VSNL1: variants seen among roughly 807,000 people sequenced by gnomAD.
VSNL1 encodes visinin like 1.
In VSNL1, 6 loss-of-function variants were observed where a neutral mutation model predicts 20.4. That is an observed-to-expected ratio of 0.29 (90% CI 0.16 to 0.58). The LOEUF is 0.58. Ranked by LOEUF, VSNL1 falls within the 20% of genes least tolerant of loss-of-function variation. The pLI, the probability that VSNL1 is intolerant of heterozygous loss-of-function variation, is 0.90. For missense variants in VSNL1, 100 were observed against 234.5 expected, an observed-to-expected ratio of 0.43 and a Z score of 3.75; for synonymous variants, 93 against 86.4, an observed-to-expected ratio of 1.08 and a Z score of -0.42.
intron 1 of VSNL1, among the ~76,000 whole-genome samples, chr2:17,544,979 C>A (rs983812224): frequency 2.0e-5 from 3 of 152,070 alleles, no homozygotes; most frequent in African/African-American, 7.2e-5. Context: ...TCCCTCCAAT[C>A]CATTTTTAAA....
chr2:17,639,784 G>C (rs889748273), intron 2 of VSNL1, among the ~76,000 whole-genome samples: 3 of 152,116 alleles, frequency 2.0e-5, no homozygotes, highest in Non-Finnish European at 4.4e-5. Flanking sequence ...TTTGCTACCA[G>C]GGTCATCCAA....
intron 1 of VSNL1, among the ~76,000 whole-genome samples, chr2:17,568,332 A>G (rs1051752945): frequency 6.6e-6 from 1 of 152,044 alleles, no homozygotes; most frequent in African/African-American, 2.4e-5. Flanking sequence ...CAGTGGTGCA[A>G]TCTTGGCTCA....
In VSNL1 at chr2:17,652,001, G is replaced by A. The variant is rs563206846; in HGVS notation, c.378+2376G>A. Reference sequence around the variant, plus strand: ...ATTTTAAGCTTTTAGAGCAGATGGAGAGTAGGTTTTCTGTAGTAAGTTAGC... The same window carrying A: ...ATTTTAAGCTTTTAGAGCAGATGGAAAGTAGGTTTTCTGTAGTAAGTTAGC... On this transcript the variant is annotated intron_variant, in intron 3 of 3. Coordinates refer to ENST00000295156, the MANE Select transcript of VSNL1 (RefSeq NM_003385.5). Among the ~76,000 whole-genome samples, 77 of 152,322 alleles carry A rather than the reference G, an allele frequency of 5.1e-4. 1 individual carries two copies. Among genetic ancestry groups the A allele is most frequent in the Admixed American group, 1.4e-3 (21 of 15,306 alleles).
Position 17,610,080 on chromosome 2 carries a change from G to A in VSNL1, c.162+17844G>A, listed in dbSNP as rs1361850707. Among the ~76,000 whole-genome samples, 6 of 152,236 alleles carry A rather than the reference G, an allele frequency of 3.9e-5. No individual in the cohort carries two copies. The South Asian group carries it at 1.0e-3, about 26-fold the overall frequency. ...AGCAGGCCAGCAGGGGCATCAGGCAGTGCCACATAGGGTAAGGGACAAACA... is the reference window on the plus strand; with the variant it reads ...AGCAGGCCAGCAGGGGCATCAGGCAATGCCACATAGGGTAAGGGACAAACA... On this transcript the variant is annotated intron_variant, in intron 2 of 3. Transcript: ENST00000295156.
intron 2 of VSNL1, among the ~76,000 whole-genome samples, chr2:17,647,195 G>C (rs1437345106): frequency 6.6e-6 from 1 of 152,094 alleles, no homozygotes; most frequent in African/African-American, 2.4e-5. Flanking sequence ...GTTATTTTTA[G>C]ATAAAACTGT....
chr2:17,577,464 A>G (rs962291055), intron 1 of VSNL1, among the ~76,000 whole-genome samples: 1 of 152,190 alleles, frequency 6.6e-6, no homozygotes, highest in Non-Finnish European at 1.5e-5. Flanking sequence ...ATCATATATT[A>G]AGTGAGTCTG....
intron 2 of VSNL1, among the ~76,000 whole-genome samples, chr2:17,592,890 T>C (rs140598872): frequency 6.6e-6 from 1 of 152,114 alleles, no homozygotes; most frequent in Non-Finnish European, 1.5e-5. Flanking sequence ...TGCAGTGGTA[T>C]TGTTTTGGCT....
At chr2:17,612,414 G>A (rs1420755501) in intron 2 of VSNL1, among the ~76,000 whole-genome samples, 2 of 152,248 alleles carry the variant, frequency 1.3e-5, no homozygotes, top group Non-Finnish European at 2.9e-5. Flanking sequence ...GGCTGAGGTT[G>A]GGGCTGACTG....
rs1438362549 is a variant in VSNL1, at chr2:17,540,880, T to C, written c.-44T>C. 1 of 152,494 alleles carries C rather than the reference T, an allele frequency of 6.6e-6. No individual in the cohort carries two copies. The highest frequency in any genetic ancestry group is 1.5e-5 in the Non-Finnish European group (1 of 68,046). 9.4% of individuals were successfully genotyped at this position (152,494 alleles called of 1,614,324 possible). A position where few individuals can be genotyped will look rare whatever the true frequency, so the allele number is the denominator to read the frequency against. On this transcript the variant is annotated 5_prime_UTR_variant, in exon 1 of 4. Transcript: ENST00000295156. ...ATTTTTAAAAAGAACTGTTGAGTTTTATCATTTTCGTTAAGTGACCGTGCG... is the reference window on the plus strand; with the variant it reads ...ATTTTTAAAAAGAACTGTTGAGTTTCATCATTTTCGTTAAGTGACCGTGCG...
intron 2 of VSNL1, among the ~76,000 whole-genome samples, chr2:17,607,202 A>G (rs62132142): frequency 0.054 from 8,233 of 152,262 alleles, 259 homozygotes; most frequent in East Asian, 0.092. Flanking sequence ...GAGGCCCTGA[A>G]CTTGGTGAGG....
intron 2 of VSNL1, among the ~76,000 whole-genome samples, chr2:17,628,066 G>C (rs1665551260): frequency 6.6e-6 from 1 of 152,242 alleles, no homozygotes; most frequent in Admixed American, 6.5e-5. Flanking sequence ...TAGCAAGGTA[G>C]ACACAGACAC....
intron 2 of VSNL1, among the ~76,000 whole-genome samples, chr2:17,628,640 G>C (rs959570558): frequency 4.6e-5 from 7 of 152,194 alleles, no homozygotes; most frequent in Admixed American, 2.0e-4. Flanking sequence ...CCTCTAAATG[G>C]TGTTAGAGAA....
At position 17,656,104 on chromosome 2, in the gene VSNL1, G is replaced by A. The variant is rs1370077920; in HGVS notation, c.*710G>A. On this transcript the variant is annotated 3_prime_UTR_variant, in exon 4 of 4. Coordinates refer to ENST00000295156, the MANE Select transcript of VSNL1 (RefSeq NM_003385.5). ...TTTATCGAAAGTAAAAAAGATGGAA[G>A]TGTATTGGTTTCTGTTTGAATTTTC... The A allele has an allele frequency of 1.3e-5, 2 of 152,604 alleles. No individual in the cohort carries two copies. Among genetic ancestry groups the A allele is most frequent in the Non-Finnish European group, 2.9e-5 (2 of 68,042 alleles). 9.5% of individuals were successfully genotyped at this position (152,604 alleles called of 1,614,324 possible).
rs552259662 is a variant in VSNL1, at chr2:17,589,981, C to T, written c.-5-2089C>T. Among the ~76,000 whole-genome samples the T allele has an allele frequency of 4.6e-5, 7 of 152,302 alleles. No individual in the cohort carries two copies. The East Asian group carries it at 1.4e-3, about 29-fold the overall frequency. On this transcript the variant is annotated intron_variant, in intron 1 of 3. Coordinates refer to ENST00000295156, the MANE Select transcript of VSNL1 (RefSeq NM_003385.5). ...TTCCTTCTCCTGAAATGTCTTTCATCCACCAGTCTATGATTGGACATTGGA... is the reference window on the plus strand; with the variant it reads ...TTCCTTCTCCTGAAATGTCTTTCATTCACCAGTCTATGATTGGACATTGGA...
chr2:17,581,495 T>A (rs559535945), intron 1 of VSNL1, among the ~76,000 whole-genome samples: 1 of 152,352 alleles, frequency 6.6e-6, no homozygotes, highest in East Asian at 1.9e-4. Flanking sequence ...GATGGACCTT[T>A]AGGTAGTTTT....
chr2:17,545,458 A>G (rs1004945530), intron 1 of VSNL1, among the ~76,000 whole-genome samples: 3 of 152,136 alleles, frequency 2.0e-5, no homozygotes, highest in African/African-American at 7.2e-5. Context: ...CCTATTTACA[A>G]GAATAAGAAT....
intron 1 of VSNL1, among the ~76,000 whole-genome samples, chr2:17,552,520 A>G (rs1043277130): frequency 3.3e-5 from 5 of 152,128 alleles, no homozygotes; most frequent in African/African-American, 1.2e-4. Flanking sequence ...GCCCCCATGT[A>G]CCCATCACCC....
chr2:17,599,541 A>T (rs1664781728), intron 2 of VSNL1, among the ~76,000 whole-genome samples: 1 of 152,214 alleles, frequency 6.6e-6, no homozygotes, highest in Non-Finnish European at 1.5e-5. Context: ...CTGTGGAAGA[A>T]AAAGCTTGAA....
chr2:17,610,308 C>T (rs778649453), intron 2 of VSNL1, among the ~76,000 whole-genome samples: 9 of 152,166 alleles, frequency 5.9e-5, no homozygotes, highest in Admixed American at 1.3e-4. Context: ...CCTCAAAGAG[C>T]TCAATCAATG....
Sources: allele counts gnomAD v4.1 joint callset (sites outside exome capture counted in the v4.1 genomes callset), GRCh38; gene constraint gnomAD v4.1.1; transcripts MANE v1.5; gene names NCBI Gene and HGNC (gene_info 2026-07-23, HGNC 2026-07-21).